CASP4: variants seen among roughly 807,000 people sequenced by gnomAD.
CASP4 encodes caspase 4.
Under a neutral mutation model 41.3 loss-of-function variants are expected in CASP4, and 29 were observed. That is an observed-to-expected ratio of 0.70 (90% CI 0.52 to 0.96). The LOEUF (loss-of-function observed/expected upper bound fraction) is 0.96. Among genes scored for constraint, CASP4 ranks in the 40% least tolerant of loss-of-function variants. CASP4 has a pLI of 0.00. For synonymous variants in CASP4, 185 were observed against 158.4 expected, an observed-to-expected ratio of 1.17 and a Z score of -1.26; for missense variants, 447 against 460.6, an observed-to-expected ratio of 0.97 and a Z score of 0.27.
intron 7 of CASP4, 101 bp from the exon 8 acceptor site, chr11:104,944,952 G>A (rs144940871): frequency 1.2e-6 from 1 of 818,626 alleles, no homozygotes; most frequent in African/African-American, 1.7e-5. Flanking sequence ...AAGTGAGCTT[G>A]CAGGTTTCAT....
At chr11:104,944,127 C>G (rs1433715227) in intron 8 of CASP4, 1 of 152,198 alleles carries the variant, frequency 6.6e-6, no homozygotes, top group Non-Finnish European at 1.5e-5. Flanking sequence ...TGGTGATCTG[C>G]ATTGTGAGAA....
intron 8 of CASP4, 127 bp from the exon 9 acceptor site, chr11:104,943,100 T>C: frequency 2.5e-6 from 1 of 392,708 alleles, no homozygotes; most frequent in Admixed American, 3.2e-5. Flanking sequence ...CTTCCATCTG[T>C]GACATCTTAG....
chr11:104,946,785 A>G (rs558392593), intron 7 of CASP4: 1 of 191,930 alleles, frequency 5.2e-6, no homozygotes, highest in Admixed American at 5.7e-5. Context: ...GATTTTATTC[A>G]TTTAATAAAT....
At chr11:104,948,751 T>G (rs1255871746) in intron 5 of CASP4, 75 bp from the exon 6 acceptor site, 4 of 1,378,658 alleles carry the variant, frequency 2.9e-6, no homozygotes, top group Non-Finnish European at 3.9e-6. Context: ...ACCTTGTTCT[T>G]TTTGAATGTT....
chr11:104,950,070 A>G (rs1860570055), intron 4 of CASP4, among the ~76,000 whole-genome samples: 1 of 152,084 alleles, frequency 6.6e-6, no homozygotes, highest in African/African-American at 2.4e-5. Flanking sequence ...CTCCTTACCT[A>G]GCAAGTCATG....
intron 1 of CASP4, among the ~76,000 whole-genome samples, chr11:104,964,393 T>A (rs1016175067): frequency 2.6e-5 from 4 of 152,214 alleles, no homozygotes; most frequent in African/African-American, 9.6e-5. Context: ...TTTTAACAAG[T>A]AGGTAAAATA....
Position 104,949,544 on chromosome 11 carries a change from A to G in CASP4, c.780T>C (p.Gly260=). The change falls in exon 5 of 9, where the codon GGT becomes GGC. Residue 260 remains glycine (G), a splice_region_variant and synonymous_variant. Transcript: ENST00000444739. The part of the protein sequence containing the change: ...PKVIIVQACR[G]ANRGELWVRD... ...TAGATGTTCAGTCTCAGCACTCACC[A>G]CCTCTGCAGGCCTGGACAATGATGA... 2 of 1,613,638 alleles carry G rather than the reference A, an allele frequency of 1.2e-6. No individual in the cohort carries two copies. Among genetic ancestry groups the G allele is most frequent in the Non-Finnish European group, 1.7e-6 (2 of 1,179,752 alleles).
At chr11:104,953,671 C>T (rs933732871) in intron 2 of CASP4, among the ~76,000 whole-genome samples, 4 of 152,062 alleles carry the variant, frequency 2.6e-5, no homozygotes, top group African/African-American at 9.7e-5. Flanking sequence ...GAGGTCTCAA[C>T]AATTTATATT....
chr11:104,958,973 A>C (rs1425895102), intron 1 of CASP4, among the ~76,000 whole-genome samples: 1 of 150,918 alleles, frequency 6.6e-6, no homozygotes, highest in Non-Finnish European at 1.5e-5. Context: ...AAAAAAAAAA[A>C]AAAAAAAAAA....
intron 7 of CASP4, among the ~76,000 whole-genome samples, chr11:104,945,692 A>G (rs1170278622): frequency 6.6e-6 from 1 of 152,144 alleles, no homozygotes; most frequent in East Asian, 1.9e-4. Context: ...TCCTTTTTCT[A>G]TGAACATCCT....
intron 1 of CASP4, among the ~76,000 whole-genome samples, chr11:104,961,463 G>C (rs546627238): frequency 7.3e-5 from 11 of 151,690 alleles, no homozygotes; most frequent in Non-Finnish European, 1.5e-4. Flanking sequence ...TCCTTCTCTC[G>C]ACTTGTCTGT....
intron 1 of CASP4, among the ~76,000 whole-genome samples, chr11:104,957,342 A>C (rs118117773): frequency 1.6e-4 from 24 of 152,284 alleles, no homozygotes; most frequent in Non-Finnish European, 2.5e-4. Flanking sequence ...CCGAGTAGGT[A>C]AAAAACAAGT....
rs545659064 is a variant in CASP4 at position 104,961,336 on chromosome 11, C to A, written c.8-6335G>T. ...GGATTGGTGAGTATCCTAGGTGCTG[C>A]CAATGCCTCCTTCCTTCTCCTGACT... On this transcript the variant is annotated intron_variant, in intron 1 of 8. Transcript: ENST00000444739. 3.3e-5 allele frequency among the ~76,000 whole-genome samples: 5 copies of A among 152,328 alleles called. No homozygotes were observed. In the East Asian group the frequency reaches 7.7e-4, roughly 24 times the overall value.
intron 1 of CASP4, among the ~76,000 whole-genome samples, chr11:104,966,933 A>C (rs905237298): frequency 6.6e-6 from 1 of 152,210 alleles, no homozygotes; most frequent in African/African-American, 2.4e-5. Flanking sequence ...TAAATCAGAG[A>C]GAGTGCATGA....
chr11:104,960,763 C>G (rs1301725003), intron 1 of CASP4, among the ~76,000 whole-genome samples: 1 of 152,194 alleles, frequency 6.6e-6, no homozygotes, highest in Non-Finnish European at 1.5e-5. Context: ...GCCTGAGCCA[C>G]CACATCCAGC....
At chr11:104,954,314 G>A (rs1248953871) in intron 2 of CASP4, among the ~76,000 whole-genome samples, 1 of 152,110 alleles carries the variant, frequency 6.6e-6, no homozygotes, top group African/African-American at 2.4e-5. Context: ...GAGAGTTGTT[G>A]GCGTGTGGTG....
At chr11:104,948,440 G>C in intron 6 of CASP4, 93 bp downstream of exon 6, 1 of 1,255,854 alleles carries the variant, frequency 8.0e-7, no homozygotes, top group Non-Finnish European at 1.1e-6. Flanking sequence ...CATTCTATCA[G>C]ATCATTGTTT....
Position 104,949,527 on chromosome 11 carries a change from C to A in CASP4, c.781+16G>T. The A allele has an allele frequency of 6.2e-7, 1 of 1,612,220 alleles. No homozygotes were observed. The highest frequency in any genetic ancestry group is 1.1e-5 in the South Asian group (1 of 91,036). ...TACACCTTCATAACTGTTAGATGTT[C>A]AGTCTCAGCACTCACCACCTCTGCA... On this transcript the variant is annotated intron_variant, in intron 5 of 8. Transcript: ENST00000444739.
chr11:104,949,858 A>G (rs2134638497), intron 4 of CASP4, 81 bp from the exon 5 acceptor site: 1 of 1,326,252 alleles, frequency 7.5e-7, no homozygotes, highest in East Asian at 2.3e-5. Context: ...GAGCGAAACA[A>G]GAAACATATG....
Sources: allele counts gnomAD v4.1 joint callset (sites outside exome capture counted in the v4.1 genomes callset), GRCh38; gene constraint gnomAD v4.1.1; transcripts MANE v1.5; gene names NCBI Gene and HGNC (gene_info 2026-07-23, HGNC 2026-07-21).